The following NAT8L variants were observed in gnomAD, a reference collection of about 807,000 sequenced individuals.
NAT8L encodes the protein aspartate N-acetyltransferase, also known as N-acetylaspartate synthetase.
In NAT8L, 6 loss-of-function variants were observed where a neutral mutation model predicts 21.2. The observed-to-expected ratio is 0.28, with a 90% CI of 0.16 to 0.56. NAT8L has a LOEUF of 0.56. Ranked by LOEUF, NAT8L falls within the 20% of genes least tolerant of loss-of-function variation. NAT8L has a pLI of 0.93. For synonymous variants in NAT8L, 239 were observed against 204.9 expected (o/e 1.17, Z -1.42); for missense variants, 331 against 433.3 (o/e 0.76, Z 2.10).
chr4:2,060,389 T>C lies in NAT8L; in HGVS notation c.376+502T>C, dbSNP rs1282550608. On this transcript the variant is annotated intron_variant, in intron 1 of 2. Coordinates refer to ENST00000423729, the MANE Select transcript of NAT8L (RefSeq NM_178557.4). This position sits in a 1 kb window ranked among gnomAD's most constrained non-coding sequence, Gnocchi z 4.7. The stretch of plus-strand genomic sequence containing the variant: ...GGGTGCCCTTCCCCTCAGAGCTTCC[T>C]GCCGGGGTGAGGGGGTTCGCTCCCA... Among the ~76,000 whole-genome samples, 1 of 152,162 alleles carries C rather than the reference T, an allele frequency of 6.6e-6. No individual in the cohort carries two copies. The highest frequency in any genetic ancestry group is 1.9e-4 in the East Asian group (1 of 5,184).
chr4:2,063,436 C>T (rs1365152618), intron 2 of NAT8L, among the ~76,000 whole-genome samples: 1 of 152,258 alleles, frequency 6.6e-6, no homozygotes, highest in Non-Finnish European at 1.5e-5. Flanking sequence ...GGCCTTTGAC[C>T]ACTACTCTGA....
chr4:2,060,625 T>TCCTCCCC lies in NAT8L; in HGVS notation c.377-357_377-351dup, dbSNP rs545878038. ...CTGGAACGTGGGACACCCCCCTTCC[T>TCCTCCCC]CCTCCCCCCTCCCCCCTCCCCCGCG... On this transcript the variant is annotated intron_variant, in intron 1 of 2. Transcript: ENST00000423729. The surrounding 1 kb of genome is among the most constrained non-coding windows in gnomAD (Gnocchi z 4.7). 8.3e-3 allele frequency among the ~76,000 whole-genome samples: 1,216 copies of TCCTCCCC among 146,768 alleles called. 15 individuals carry two copies. The highest frequency in any genetic ancestry group is 0.028 in the African/African-American group (1,115 of 40,010).
intron 2 of NAT8L, 109 bp from the exon 3 acceptor site, chr4:2,063,651 T>C: frequency 6.3e-7 from 1 of 1,584,218 alleles, no homozygotes; most frequent in Non-Finnish European, 8.5e-7. Flanking sequence ...TGCCCTGGCT[T>C]GGTGTCCAGC....
chr4:2,060,508 C>G lies in NAT8L; in HGVS notation c.377-490C>G, dbSNP rs565795820. Among the ~76,000 whole-genome samples the G allele has an allele frequency of 6.6e-6, 1 of 152,288 alleles. No homozygotes were observed. Among genetic ancestry groups the G allele is most frequent in the East Asian group, 1.9e-4 (1 of 5,160 alleles). On this transcript the variant is annotated intron_variant, in intron 1 of 2. Coordinates refer to ENST00000423729, the MANE Select transcript of NAT8L (RefSeq NM_178557.4). The surrounding 1 kb of genome is among the most constrained non-coding windows in gnomAD (Gnocchi z 4.7). ...TGCGGCTGGAAGCGGTGTGGGGCCT[C>G]CCTGCCCTGTCCCTGCCCTCAGAGC... is the stretch of plus-strand genomic sequence containing the variant.
At chr4:2,061,244 C>A in intron 2 of NAT8L, 82 bp downstream of exon 2, 6 of 1,581,088 alleles carry the variant, frequency 3.8e-6, no homozygotes, top group Non-Finnish European at 5.2e-6. Context: ...CAGGGCAGGC[C>A]TGGGCGAGGG....
At position 2,060,579 on chromosome 4, in the gene NAT8L, AG is replaced by A. The variant is rs1350005908; in HGVS notation, c.377-414del. Among the ~76,000 whole-genome samples the A allele has an allele frequency of 2.6e-5, 4 of 151,950 alleles. No homozygotes were observed. Among genetic ancestry groups the A allele is most frequent in the African/African-American group, 7.3e-5 (3 of 41,334 alleles). On this transcript the variant is annotated intron_variant, in intron 1 of 2. Coordinates refer to ENST00000423729, the MANE Select transcript of NAT8L (RefSeq NM_178557.4). This position sits in a 1 kb window ranked among gnomAD's most constrained non-coding sequence, Gnocchi z 4.7. ...GGGCTCTTGCTGGGGCCCTGGGAAG[AG>A]GGGGTCCTGGAGCCCGAGGCTGGAA...
At position 2,059,980 on chromosome 4, in the gene NAT8L, C is replaced by A; in HGVS notation, c.376+93C>A. The A allele has an allele frequency of 2.7e-6, 2 of 742,658 alleles. No individual in the cohort carries two copies. The highest frequency in any genetic ancestry group is 3.5e-6 in the Non-Finnish European group (2 of 574,660). The allele number at this position is 742,658 out of a possible 1,614,324, so 46.0% of individuals were successfully genotyped here. A position where few individuals can be genotyped will look rare whatever the true frequency, so the allele number is the denominator to read the frequency against. ...CCACGCGGACCCCGCGCCCGGCTCC[C>A]GGGGACCAGCCTGGGAAGCCCCCCG... On this transcript the variant is annotated intron_variant, in intron 1 of 2. Coordinates refer to ENST00000423729, the MANE Select transcript of NAT8L (RefSeq NM_178557.4). This position sits in a 1 kb window ranked among gnomAD's most constrained non-coding sequence, Gnocchi z 4.8.
In NAT8L at chr4:2,068,356, G is replaced by A. The variant is rs896879072; in HGVS notation, c.*4229G>A. The A allele has an allele frequency of 2.0e-5, 3 of 152,156 alleles. No individual in the cohort carries two copies. Among genetic ancestry groups the A allele is most frequent in the Admixed American group, 6.5e-5 (1 of 15,278 alleles). 9.4% of individuals were successfully genotyped at this position (152,156 alleles called of 1,614,324 possible). A position where few individuals can be genotyped will look rare whatever the true frequency, so the allele number is the denominator to read the frequency against. ...GTGCGTGTACATGTGTTTGTGTCTT[G>A]GGTATGCATAAGCATGCACGTGTGT... On this transcript the variant is annotated 3_prime_UTR_variant, in exon 3 of 3. Coordinates refer to ENST00000423729, the MANE Select transcript of NAT8L (RefSeq NM_178557.4).
At chr4:2,063,642 GC>G in intron 2 of NAT8L, 117 bp from the exon 3 acceptor site, 1 of 1,574,246 alleles carries the variant, frequency 6.4e-7, no homozygotes, top group Non-Finnish European at 8.6e-7. Flanking sequence ...GTGTCCCACT[GC>G]CCTGGCTTGG....
rs889633870 is a variant in NAT8L, at chr4:2,060,615, C to T, written c.377-383C>T. Among the ~76,000 whole-genome samples the T allele has an allele frequency of 1.3e-5, 2 of 151,790 alleles. No individual in the cohort carries two copies. The highest frequency in any genetic ancestry group is 3.9e-4 in the East Asian group (2 of 5,152). On this transcript the variant is annotated intron_variant, in intron 1 of 2. Transcript: ENST00000423729. The surrounding 1 kb of genome is among the most constrained non-coding windows in gnomAD (Gnocchi z 4.7). The stretch of plus-strand genomic sequence containing the variant: ...GAGCCCGAGGCTGGAACGTGGGACA[C>T]CCCCCTTCCTCCTCCCCCCTCCCCC...
chr4:2,060,869 C>A lies in NAT8L; in HGVS notation c.377-129C>A. ...GGAAATAGGGAGAAGTAGAAAGCACCCGAGATGACCCCGGCTCCTCCACCA... is the reference window on the plus strand; with the variant it reads ...GGAAATAGGGAGAAGTAGAAAGCACACGAGATGACCCCGGCTCCTCCACCA... On this transcript the variant is annotated intron_variant, in intron 1 of 2. Transcript: ENST00000423729. This position sits in a 1 kb window ranked among gnomAD's most constrained non-coding sequence, Gnocchi z 4.7. 2.1e-6 allele frequency: 1 copy of A among 466,086 alleles called. No homozygotes were observed. The highest frequency in any genetic ancestry group is 3.7e-6 in the Non-Finnish European group (1 of 267,850). The allele number at this position is 466,086 out of a possible 1,614,324, so 28.9% of individuals were successfully genotyped here. A position where few individuals can be genotyped will look rare whatever the true frequency, so the allele number is the denominator to read the frequency against.
intron 2 of NAT8L, among the ~76,000 whole-genome samples, chr4:2,063,161 G>A (rs2108680665): frequency 6.6e-6 from 1 of 152,388 alleles, no homozygotes; most frequent in East Asian, 1.9e-4. Flanking sequence ...GGATTTATAG[G>A]AAAGCTCCTC....
Position 2,067,508 on chromosome 4 carries a change from T to G in NAT8L, c.*3381T>G, listed in dbSNP as rs1036039822. Reference sequence around the variant, plus strand: ...CTGGGGACGCCCTGAGCTTCCTGGCTGTGTGGCAGGTGCTGGGGAAGCTCT... The same window carrying G: ...CTGGGGACGCCCTGAGCTTCCTGGCGGTGTGGCAGGTGCTGGGGAAGCTCT... On this transcript the variant is annotated 3_prime_UTR_variant, in exon 3 of 3. Transcript: ENST00000423729. 3.3e-5 allele frequency: 5 copies of G among 152,358 alleles called. No homozygotes were observed. Among genetic ancestry groups the G allele is most frequent in the Non-Finnish European group, 1.5e-5 (1 of 68,160 alleles). The allele number at this position is 152,358 out of a possible 1,614,324, so 9.4% of individuals were successfully genotyped here. A position where few individuals can be genotyped will look rare whatever the true frequency, so the allele number is the denominator to read the frequency against.
At position 2,067,435 on chromosome 4, in the gene NAT8L, T is replaced by G. The variant is rs556667692; in HGVS notation, c.*3308T>G. On this transcript the variant is annotated 3_prime_UTR_variant, in exon 3 of 3. Transcript: ENST00000423729. ...ACCCCTCTCCTGCTCTGGGTGTCCT[T>G]CTCAGAGAAGATGGCAGAAGGCTGC... is the stretch of plus-strand genomic sequence containing the variant. 1 of 152,470 alleles carries G rather than the reference T, an allele frequency of 6.6e-6. No individual in the cohort carries two copies. Among genetic ancestry groups the G allele is most frequent in the South Asian group, 2.1e-4 (1 of 4,830 alleles). 9.4% of individuals were successfully genotyped at this position (152,470 alleles called of 1,614,324 possible).
Position 2,065,965 on chromosome 4 carries a change from T to C in NAT8L, c.*1838T>C, listed in dbSNP as rs1043881300. On this transcript the variant is annotated 3_prime_UTR_variant, in exon 3 of 3. Transcript: ENST00000423729. The stretch of plus-strand genomic sequence containing the variant: ...GTTTGGTTTGGGTTTGGCCTGGGGC[T>C]GGTCCCAGTTGGTGCGGGGCATGCT... 1 of 152,550 alleles carries C rather than the reference T, an allele frequency of 6.6e-6. No homozygotes were observed. The highest frequency in any genetic ancestry group is 1.9e-4 in the East Asian group (1 of 5,142). 9.4% of individuals were successfully genotyped at this position (152,550 alleles called of 1,614,324 possible).
chr4:2,064,291 T>C lies in NAT8L; in HGVS notation c.*164T>C. ...TGGCTGGTTCCGGGGGGTGCGGGGC[T>C]GTTGTTCTTCGGCGACACTTTGGTG... is the stretch of plus-strand genomic sequence containing the variant. On this transcript the variant is annotated 3_prime_UTR_variant, in exon 3 of 3. Coordinates refer to ENST00000423729, the MANE Select transcript of NAT8L (RefSeq NM_178557.4). 2.8e-6 allele frequency: 1 copy of C among 360,098 alleles called. No homozygotes were observed. Among genetic ancestry groups the C allele is most frequent in the Non-Finnish European group, 4.3e-6 (1 of 230,702 alleles). The allele number at this position is 360,098 out of a possible 1,614,324, so 22.3% of individuals were successfully genotyped here.
Position 2,059,502 on chromosome 4 carries a change from G to A in NAT8L, c.-10G>A. The A allele has an allele frequency of 2.0e-6, 2 of 980,508 alleles. No individual in the cohort carries two copies. The highest frequency in any genetic ancestry group is 2.4e-6 in the Non-Finnish European group (2 of 827,148). The allele number at this position is 980,508 out of a possible 1,614,324, so 60.7% of individuals were successfully genotyped here. The stretch of plus-strand genomic sequence containing the variant: ...CCGCGTCCCCGCTGCCGCGCCGCCC[G>A]GCCGGGTGCATGCATTGTGGGCCTC... On this transcript the variant is annotated 5_prime_UTR_variant, in exon 1 of 3. Coordinates refer to ENST00000423729, the MANE Select transcript of NAT8L (RefSeq NM_178557.4). The surrounding 1 kb of genome is among the most constrained non-coding windows in gnomAD (Gnocchi z 4.8).
In NAT8L at chr4:2,063,795, G is replaced by T. The variant is rs961920472; in HGVS notation, c.577G>T (p.Val193Leu). 6.2e-7 allele frequency: 1 copy of T among 1,612,240 alleles called. No homozygotes were observed. Among genetic ancestry groups the T allele is most frequent in the African/African-American group, 1.3e-5 (1 of 75,068 alleles). Residue 193 changes from valine (V) to leucine (L), a missense_variant, in exon 3 of 3, where the codon GTG becomes TTG. Transcript: ENST00000423729. ...CFWVAVLDGNVVGIVAARAHE... is the reference protein window; with the variant it reads ...CFWVAVLDGNLVGIVAARAHE... ...CTGGGTGGCCGTGCTGGATGGCAAC[G>T]TGGTGGGCATTGTGGCTGCACGGGC...
In NAT8L at chr4:2,064,217, C is replaced by A; in HGVS notation, c.*90C>A. 2.1e-6 allele frequency: 2 copies of A among 971,988 alleles called. No homozygotes were observed. The highest frequency in any genetic ancestry group is 2.6e-6 in the Non-Finnish European group (2 of 772,898). The allele number at this position is 971,988 out of a possible 1,614,324, so 60.2% of individuals were successfully genotyped here. A position where few individuals can be genotyped will look rare whatever the true frequency, so the allele number is the denominator to read the frequency against. On this transcript the variant is annotated 3_prime_UTR_variant, in exon 3 of 3. Coordinates refer to ENST00000423729, the MANE Select transcript of NAT8L (RefSeq NM_178557.4). Reference sequence around the variant, plus strand: ...CCGGCGCGGCCTGCTTTCAGACGCTCAATTGGCGTTTGTGTTGGGTTTCCC... The same window carrying A: ...CCGGCGCGGCCTGCTTTCAGACGCTAAATTGGCGTTTGTGTTGGGTTTCCC...
Sources: allele counts gnomAD v4.1 joint callset (sites outside exome capture counted in the v4.1 genomes callset), GRCh38; gene constraint gnomAD v4.1.1; non-coding constraint Gnocchi (gnomAD v3.1); transcripts MANE v1.5; gene names NCBI Gene and HGNC (gene_info 2026-07-23, HGNC 2026-07-21).